The following KPNA4 variants were observed in gnomAD, a reference collection of about 807,000 sequenced individuals.
KPNA4 encodes the protein importin subunit alpha-3.
Under a neutral mutation model 71.3 loss-of-function variants are expected in KPNA4, and 13 were observed. The ratio of observed to expected loss-of-function variants is 0.18; its 90% CI spans 0.12 to 0.29. KPNA4 has a LOEUF of 0.29. KPNA4 is among the 10% of genes least tolerant of loss of function. The probability of loss-of-function intolerance (pLI) is 1.00; values close to 1 mark genes in which losing one functional copy is unlikely to be tolerated. For missense variants in KPNA4, 334 were observed against 603.2 expected (o/e 0.55, Z 4.67); for synonymous variants, 189 against 195.2 (o/e 0.97, Z 0.26).
At chr3:160,517,286 C>A (rs1030145236) in intron 11 of KPNA4, among the ~76,000 whole-genome samples, 1 of 152,062 alleles carries the variant, frequency 6.6e-6, no homozygotes, top group African/African-American at 2.4e-5. Flanking sequence ...TTACAGCATG[C>A]ATCAATACTT....
intron 1 of KPNA4, among the ~76,000 whole-genome samples, chr3:160,549,973 T>C (rs916175084): frequency 4.6e-5 from 7 of 152,268 alleles, no homozygotes; most frequent in African/African-American, 1.7e-4. Context: ...TATTCCTAAG[T>C]ATTTTTTCTG....
intron 8 of KPNA4, among the ~76,000 whole-genome samples, chr3:160,527,538 A>C (rs1237727696): frequency 6.6e-6 from 1 of 152,212 alleles, no homozygotes; most frequent in Non-Finnish European, 1.5e-5. Flanking sequence ...GACTCTTCTC[A>C]GAACTGTCAT....
chr3:160,536,985 A>G (rs1317533035), intron 1 of KPNA4, 145 bp from the exon 2 acceptor site: 1 of 449,252 alleles, frequency 2.2e-6, no homozygotes, highest in Non-Finnish European at 4.0e-6. Context: ...CATAATAAAA[A>G]TCATACTATG....
At position 160,499,728 on chromosome 3, in the gene KPNA4, T is replaced by A. The variant is rs1577042225; in HGVS notation, c.*2376A>T. The A allele has an allele frequency of 1.3e-5, 2 of 152,314 alleles. No homozygotes were observed. The highest frequency in any genetic ancestry group is 3.4e-3 in the Middle Eastern group (1 of 294). The allele number at this position is 152,314 out of a possible 1,614,324, so 9.4% of individuals were successfully genotyped here. A position where few individuals can be genotyped will look rare whatever the true frequency, so the allele number is the denominator to read the frequency against. The stretch of plus-strand genomic sequence containing the variant: ...CAATAATTTGTATATAAAATTTGTA[T>A]ACAAGCTCATTGGCTTACTTTGAAT... On this transcript the variant is annotated 3_prime_UTR_variant, in exon 17 of 17. Transcript: ENST00000334256.
intron 1 of KPNA4, among the ~76,000 whole-genome samples, chr3:160,541,480 T>C (rs936698060): frequency 3.9e-5 from 6 of 152,060 alleles, no homozygotes; most frequent in Non-Finnish European, 8.8e-5. Context: ...ATTAAAAAAT[T>C]TGTACAGGCA....
rs1343077434 is a variant in KPNA4 at position 160,535,648 on chromosome 3, A to C, written c.234+13T>G. The C allele has an allele frequency of 6.3e-7, 1 of 1,587,090 alleles. No homozygotes were observed. Among genetic ancestry groups the C allele is most frequent in the Non-Finnish European group, 8.5e-7 (1 of 1,171,270 alleles). On this transcript the variant is annotated intron_variant, in intron 4 of 16. Transcript: ENST00000334256. The stretch of plus-strand genomic sequence containing the variant: ...AGAAATGCAAATGAAGAGAGGGAAA[A>C]AATCCAACTTACTTGAACAATAGCT...
In KPNA4 at chr3:160,565,463, C is replaced by G. The variant is rs992722267; in HGVS notation, c.-181G>C. On this transcript the variant is annotated 5_prime_UTR_variant, in exon 1 of 17. Coordinates refer to ENST00000334256, the MANE Select transcript of KPNA4 (RefSeq NM_002268.5). ...CTTCTCCTCTCCCCGCCCGCCCCCC[C>G]GCCCTAACCCCAGCGCGACTGCAGC... 2.2e-5 allele frequency: 13 copies of G among 580,438 alleles called. No homozygotes were observed. The highest frequency in any genetic ancestry group is 1.3e-4 in the Admixed American group (4 of 31,430). 36.0% of individuals were successfully genotyped at this position (580,438 alleles called of 1,614,324 possible). A position where few individuals can be genotyped will look rare whatever the true frequency, so the allele number is the denominator to read the frequency against.
intron 11 of KPNA4, among the ~76,000 whole-genome samples, chr3:160,520,155 A>AT (rs1163602661): frequency 3.3e-5 from 5 of 152,346 alleles, no homozygotes; most frequent in Admixed American, 2.0e-4. Context: ...GTACCAAGAC[A>AT]TAAGTACCAC....
intron 16 of KPNA4, among the ~76,000 whole-genome samples, chr3:160,503,762 A>G (rs1720926296): frequency 1.3e-5 from 2 of 152,218 alleles, no homozygotes; most frequent in African/African-American, 4.8e-5. Context: ...ATCCAACTTC[A>G]AGACATACGA....
At chr3:160,532,173 T>C (rs965208523) in intron 5 of KPNA4, among the ~76,000 whole-genome samples, 1 of 152,288 alleles carries the variant, frequency 6.6e-6, no homozygotes, top group East Asian at 1.9e-4. Context: ...AACTAATTTT[T>C]AAAAAATACA....
intron 1 of KPNA4, among the ~76,000 whole-genome samples, chr3:160,561,173 TTG>T (rs1209535325): frequency 6.6e-6 from 1 of 152,076 alleles, no homozygotes; most frequent in Non-Finnish European, 1.5e-5. Flanking sequence ...TTTCTTAAAG[TTG>T]TGTTTTTAAA....
chr3:160,550,704 C>T (rs1042700056), intron 1 of KPNA4, among the ~76,000 whole-genome samples: 2 of 152,086 alleles, frequency 1.3e-5, no homozygotes, highest in Non-Finnish European at 2.9e-5. Flanking sequence ...GTGTTTTTAT[C>T]ATGAAAGGGC....
At position 160,535,913 on chromosome 3, in the gene KPNA4, A is replaced by AC. The variant is rs1266028047; in HGVS notation, c.115-17_115-16insG. 2.7e-6 allele frequency: 3 copies of AC among 1,100,234 alleles called. No homozygotes were observed. Among genetic ancestry groups the AC allele is most frequent in the East Asian group, 3.1e-5 (1 of 31,798 alleles). The allele number at this position is 1,100,234 out of a possible 1,614,324, so 68.2% of individuals were successfully genotyped here. On this transcript the variant is annotated splice_polypyrimidine_tract_variant and intron_variant, in intron 2 of 16. Coordinates refer to ENST00000334256, the MANE Select transcript of KPNA4 (RefSeq NM_002268.5). ...CTCTTTTATTCTTAAAAAAAAAAAA[A>AC]AAAAAAAAAAAACCAAACAGAGAAT...
intron 1 of KPNA4, among the ~76,000 whole-genome samples, chr3:160,539,179 T>G (rs917479687): frequency 6.6e-6 from 1 of 152,172 alleles, no homozygotes; most frequent in African/African-American, 2.4e-5. Flanking sequence ...TTTCTCTCTC[T>G]CTCTCTCTTC....
intron 11 of KPNA4, 96 bp downstream of exon 11, chr3:160,521,683 T>C: frequency 9.2e-7 from 1 of 1,091,174 alleles, no homozygotes; most frequent in African/African-American, 1.6e-5. Context: ...ATGCTAAGAA[T>C]ATACTTTAAA....
At chr3:160,502,693 C>A (rs1306045254) in intron 16 of KPNA4, among the ~76,000 whole-genome samples, 1 of 151,630 alleles carries the variant, frequency 6.6e-6, no homozygotes, top group Admixed American at 6.6e-5. Context: ...TAAGGGATGC[C>A]AAAATGAGAA....
intron 1 of KPNA4, among the ~76,000 whole-genome samples, chr3:160,549,990 T>A (rs560377292): frequency 6.6e-6 from 1 of 152,378 alleles, no homozygotes; most frequent in South Asian, 2.1e-4. Context: ...TCTGACACTA[T>A]TGGAAATGAG....
chr3:160,535,785 G>A, intron 3 of KPNA4, 23 bp downstream of exon 3: 1 of 1,543,026 alleles, frequency 6.5e-7, no homozygotes, highest in Non-Finnish European at 8.7e-7. Flanking sequence ...TAAGTTACCA[G>A]AATAACAATA....
chr3:160,522,377 C>G (rs1021411164), intron 10 of KPNA4, among the ~76,000 whole-genome samples: 2 of 152,148 alleles, frequency 1.3e-5, no homozygotes, highest in Non-Finnish European at 2.9e-5. Flanking sequence ...TGCCTAAAGC[C>G]AATAACCCAA....
Sources: gnomAD v4.1 joint callset for allele counts (sites outside exome capture counted in the v4.1 genomes callset) on GRCh38, gnomAD v4.1.1 for gene constraint, MANE v1.5 for transcripts, NCBI Gene and HGNC (gene_info 2026-07-23, HGNC 2026-07-21) for gene names.